Variants in NT5DC1 observed in about 807,000 individuals in gnomAD.
NT5DC1 encodes the protein 5'-nucleotidase domain containing 1.
NT5DC1 carries 42 observed loss-of-function variants against 59.4 expected under a neutral mutation model. The ratio of observed to expected loss-of-function variants is 0.71; its 90% confidence interval spans 0.55 to 0.92. The LOEUF (loss-of-function observed/expected upper bound fraction) is 0.92. Among genes scored for constraint, NT5DC1 ranks in the 40% least tolerant of loss-of-function variants. NT5DC1 has a pLI of 0.00. For missense variants in NT5DC1, 501 were observed against 537.1 expected, an observed-to-expected ratio of 0.93 and a Z score of 0.66; for synonymous variants, 172 against 188.1, an observed-to-expected ratio of 0.91 and a Z score of 0.70.
chr6:116,167,017 TA>T (rs1780484925), intron 6 of NT5DC1, among the ~76,000 whole-genome samples: 1 of 152,132 alleles, frequency 6.6e-6, no homozygotes, highest in South Asian at 2.1e-4. Context: ...CTATAGGACT[TA>T]TAAAGATGGT....
chr6:116,236,670 AG>A (rs1782118959), intron 8 of NT5DC1, among the ~76,000 whole-genome samples: 1 of 152,104 alleles, frequency 6.6e-6, no homozygotes. Context: ...GATGTCAAGC[AG>A]AGGCATGATG....
At chr6:116,149,932 G>T (rs944899292) in intron 6 of NT5DC1, among the ~76,000 whole-genome samples, 1 of 152,218 alleles carries the variant, frequency 6.6e-6, no homozygotes, top group Non-Finnish European at 1.5e-5. Context: ...CCACTCACAG[G>T]TAGGTAAGGT....
At chr6:116,194,927 T>C (rs1781193557) in intron 6 of NT5DC1, among the ~76,000 whole-genome samples, 2 of 152,196 alleles carry the variant, frequency 1.3e-5, no homozygotes, top group South Asian at 4.1e-4. Context: ...CCAAAAGTCA[T>C]AGTTGGATAC....
rs1771891378 is a variant in NT5DC1, at chr6:116,248,701, T to TA, written c.*4678dup. 1 of 152,236 alleles carries TA rather than the reference T, an allele frequency of 6.6e-6. No individual in the cohort carries two copies. Among genetic ancestry groups the TA allele is most frequent in the African/African-American group, 2.4e-5 (1 of 41,462 alleles). The allele number at this position is 152,236 out of a possible 1,614,324, so 9.4% of individuals were successfully genotyped here. ...ATTATGGCCTGAGAAACTAAAATGA[T>TA]ACTTCTTAGGTGACCAGAGGATGGG... On this transcript the variant is annotated 3_prime_UTR_variant, in exon 12 of 12. Transcript: ENST00000319550.
chr6:116,192,883 C>T (rs1204835), intron 6 of NT5DC1, among the ~76,000 whole-genome samples: 1 of 151,970 alleles, frequency 6.6e-6, no homozygotes, highest in Non-Finnish European at 1.5e-5. Flanking sequence ...TGCTTTCTCA[C>T]GTTGCATCTT....
At chr6:116,118,008 T>G in intron 6 of NT5DC1, 63 bp downstream of exon 6, 1 of 852,510 alleles carries the variant, frequency 1.2e-6, no homozygotes, top group Non-Finnish European at 2.0e-6. Context: ...TCTAGTGAAT[T>G]AGCTGAAAAG....
intron 1 of NT5DC1, among the ~76,000 whole-genome samples, chr6:116,102,169 C>T (rs1778671905): frequency 6.6e-6 from 1 of 152,226 alleles, no homozygotes; most frequent in South Asian, 2.1e-4. Flanking sequence ...GGGTAGAACT[C>T]TAGATCACTG....
At chr6:116,232,673 A>G (rs1782040517) in intron 8 of NT5DC1, among the ~76,000 whole-genome samples, 1 of 152,094 alleles carries the variant, frequency 6.6e-6, no homozygotes, top group Non-Finnish European at 1.5e-5. Context: ...TCTCTGTGGT[A>G]AGTTTTGCTT....
Position 116,236,983 on chromosome 6 carries a change from G to C in NT5DC1, c.820G>C (p.Glu274Gln). 6.2e-7 allele frequency: 1 copy of C among 1,601,438 alleles called. No individual in the cohort carries two copies. The change falls in exon 9 of 12, where the codon GAG becomes CAG. Residue 274 changes from glutamate to glutamine, a missense_variant. Glu to Gln is a conservative substitution (Grantham distance 29, BLOSUM62 2). Transcript: ENST00000319550. Reference protein sequence around the residue: ...FRTLENDEEQEALPSLDKPGW... With the variant: ...FRTLENDEEQQALPSLDKPGW... ...ATTTTCAGAGAATGATGAGGAGCAG[G>C]AGGCACTGCCATCTCTGGATAAACC... is the stretch of plus-strand genomic sequence containing the variant.
intron 8 of NT5DC1, among the ~76,000 whole-genome samples, chr6:116,230,610 T>C (rs1043968534): frequency 6.6e-6 from 1 of 152,242 alleles, no homozygotes; most frequent in Non-Finnish European, 1.5e-5. Flanking sequence ...GATCACACTT[T>C]GAGTGGCATA....
intron 6 of NT5DC1, among the ~76,000 whole-genome samples, chr6:116,195,284 C>T (rs377352300): frequency 6.6e-6 from 1 of 152,038 alleles, no homozygotes; most frequent in South Asian, 2.1e-4. Context: ...TTTTATATCA[C>T]AATTTCGCTA....
At chr6:116,161,351 AAATAAT>A (rs946602983) in intron 6 of NT5DC1, among the ~76,000 whole-genome samples, 2 of 152,114 alleles carry the variant, frequency 1.3e-5, no homozygotes, top group Non-Finnish European at 2.9e-5. Flanking sequence ...TAATAATAAA[AAATAAT>A]AATAAAGATG....
chr6:116,234,405 A>C (rs889737259), intron 8 of NT5DC1, among the ~76,000 whole-genome samples: 1 of 151,932 alleles, frequency 6.6e-6, no homozygotes. Flanking sequence ...TGGTGACATG[A>C]TCTCGGCTCA....
At chr6:116,173,209 C>G (rs1780651943) in intron 6 of NT5DC1, among the ~76,000 whole-genome samples, 1 of 152,154 alleles carries the variant, frequency 6.6e-6, no homozygotes, top group Admixed American at 6.5e-5. Context: ...AAAGTGTAAA[C>G]TATAACTGTG....
At chr6:116,236,480 C>T (rs1782115674) in intron 8 of NT5DC1, among the ~76,000 whole-genome samples, 1 of 152,226 alleles carries the variant, frequency 6.6e-6, no homozygotes. Flanking sequence ...ATTCCCCACC[C>T]ACCCCAAGCT....
chr6:116,169,724 C>A (rs1780563393), intron 6 of NT5DC1, among the ~76,000 whole-genome samples: 1 of 152,068 alleles, frequency 6.6e-6, no homozygotes, highest in Non-Finnish European at 1.5e-5. Context: ...GTTTGAGATA[C>A]CCATGTGATG....
Position 116,106,337 on chromosome 6 carries a change from T to A in NT5DC1, c.185+2T>A, listed in dbSNP as rs1489328494. On this transcript the variant is annotated splice_donor_variant, in intron 2 of 11. Coordinates refer to ENST00000319550, the MANE Select transcript of NT5DC1 (RefSeq NM_152729.3). LOFTEE classifies it high-confidence loss of function. ...GACCCCAGAGGATTGGGATTTCTGG[T>A]AAGTTCTTTTTTTTTTTTTTTTTTT... The A allele has an allele frequency of 2.3e-6, 3 of 1,329,680 alleles. No homozygotes were observed. The highest frequency in any genetic ancestry group is 3.2e-6 in the Non-Finnish European group (3 of 949,504). 82.4% of individuals were successfully genotyped at this position (1,329,680 alleles called of 1,614,324 possible). A position where few individuals can be genotyped will look rare whatever the true frequency, so the allele number is the denominator to read the frequency against.
rs534430127 is a variant in NT5DC1 at position 116,222,661 on chromosome 6, C to G, written c.705-373C>G. Among the ~76,000 whole-genome samples, 149 of 152,284 alleles carry G rather than the reference C, an allele frequency of 9.8e-4. 1 individual carries two copies. In the South Asian group the frequency reaches 0.031, roughly 31 times the overall value. On this transcript the variant is annotated intron_variant, in intron 7 of 11. Coordinates refer to ENST00000319550, the MANE Select transcript of NT5DC1 (RefSeq NM_152729.3). The stretch of plus-strand genomic sequence containing the variant: ...CATGTAACACACAAAATTGTTAACT[C>G]TTCAAGCTAACAAAGCCAGCCAATT...
At chr6:116,159,343 T>A (rs1780277330) in intron 6 of NT5DC1, among the ~76,000 whole-genome samples, 2 of 152,174 alleles carry the variant, frequency 1.3e-5, no homozygotes, top group African/African-American at 4.8e-5. Context: ...TTCAAGTCAT[T>A]ATTTCTGTTT....
Sources: gnomAD v4.1 joint callset for allele counts (sites outside exome capture counted in the v4.1 genomes callset) on GRCh38, gnomAD v4.1.1 for gene constraint, MANE v1.5 for transcripts, NCBI Gene and HGNC (gene_info 2026-07-23, HGNC 2026-07-21) for gene names.